PCDHGB5: variants seen among roughly 807,000 people sequenced by gnomAD.
The protein encoded by PCDHGB5 is protocadherin gamma-B5.
A neutral mutation model predicts 62.9 loss-of-function variants in PCDHGB5; 48 were observed. The observed-to-expected ratio is 0.76, with a 90% CI of 0.61 to 0.97. PCDHGB5 has a LOEUF of 0.97. PCDHGB5 is among the 50% of genes least tolerant of loss of function. PCDHGB5 has a pLI of 0.00. For missense variants in PCDHGB5, 1,118 were observed against 1,198.6 expected (o/e 0.93, Z 0.99); for synonymous variants, 474 against 511.2 (o/e 0.93, Z 0.98).
intron 1 of PCDHGB5, among the ~76,000 whole-genome samples, chr5:141,407,130 T>C (rs1218017139): frequency 1.3e-5 from 2 of 152,230 alleles, no homozygotes; most frequent in Non-Finnish European, 2.9e-5. Flanking sequence ...TTGCTTTATT[T>C]TTAAGAAAAA....
chr5:141,498,616 G>T (rs1202866176), intron 2 of PCDHGB5, among the ~76,000 whole-genome samples: 1 of 152,138 alleles, frequency 6.6e-6, no homozygotes, highest in East Asian at 1.9e-4. Flanking sequence ...AGTCAGCACT[G>T]GGTCACACTG....
chr5:141,413,002 G>A, intron 1 of PCDHGB5: 2 of 597,506 alleles, frequency 3.3e-6, no homozygotes, highest in East Asian at 3.0e-5. Context: ...GGATTCTCAG[G>A]GCTTCAACTA....
At position 141,432,993 on chromosome 5, in the gene PCDHGB5, G is replaced by C. The variant is rs749499789; in HGVS notation, c.2397+32469G>C. 7 of 1,614,208 alleles carry C rather than the reference G, an allele frequency of 4.3e-6. No homozygotes were observed. In the South Asian group the frequency reaches 7.7e-5, roughly 18 times the overall value. On this transcript the variant is annotated intron_variant, in intron 1 of 3. Transcript: ENST00000617380. This position sits in a 1 kb window ranked among gnomAD's most constrained non-coding sequence, Gnocchi z 6.0. ...GCGTCGCACTTTGTGGGCGTGGACG[G>C]GGTGCAGGCTTTCCTGCAGACCTAT...
In PCDHGB5 at chr5:141,490,706, T is replaced by C. The variant is rs777636562; in HGVS notation, c.2398-4101T>C. On this transcript the variant is annotated intron_variant, in intron 1 of 3. Coordinates refer to ENST00000617380, the MANE Select transcript of PCDHGB5 (RefSeq NM_018925.3). This position sits in a 1 kb window ranked among gnomAD's most constrained non-coding sequence, Gnocchi z 5.4. ...CCAGACACTGGGGATAATGCCCGCC[T>C]CACCTACTCCATTGTAGGAAATCAG... is the stretch of plus-strand genomic sequence containing the variant. The C allele has an allele frequency of 6.2e-7, 1 of 1,614,074 alleles. No homozygotes were observed. Among genetic ancestry groups the C allele is most frequent in the African/African-American group, 1.3e-5 (1 of 74,948 alleles).
intron 1 of PCDHGB5, among the ~76,000 whole-genome samples, chr5:141,445,180 GT>G (rs745433969): frequency 6.6e-6 from 1 of 152,148 alleles, no homozygotes; most frequent in Non-Finnish European, 1.5e-5. Flanking sequence ...GAAAAACTAT[GT>G]TTTTATGTAT....
chr5:141,432,793 C>T lies in PCDHGB5; in HGVS notation c.2397+32269C>T. 6.2e-7 allele frequency: 1 copy of T among 1,614,150 alleles called. No individual in the cohort carries two copies. Among genetic ancestry groups the T allele is most frequent in the Admixed American group, 1.7e-5 (1 of 60,032 alleles). ...AAGTCCTGGCGGACCTCGGCAGCCT[C>T]GAGTCTCCAGCTAACTCTGAAACCT... On this transcript the variant is annotated intron_variant, in intron 1 of 3. Transcript: ENST00000617380. The surrounding 1 kb of genome is among the most constrained non-coding windows in gnomAD (Gnocchi z 6.0).
Position 141,485,581 on chromosome 5 carries a change from G to C in PCDHGB5, c.2398-9226G>C. The C allele has an allele frequency of 6.2e-7, 1 of 1,612,458 alleles. No individual in the cohort carries two copies. The highest frequency in any genetic ancestry group is 8.5e-7 in the Non-Finnish European group (1 of 1,178,652). ...ATCACGCCCCCCGTTTTCCGCGGCA[G>C]CAGCTGGACTTGGAAATTGGGGAGG... On this transcript the variant is annotated intron_variant, in intron 1 of 3. Coordinates refer to ENST00000617380, the MANE Select transcript of PCDHGB5 (RefSeq NM_018925.3). This position sits in a 1 kb window ranked among gnomAD's most constrained non-coding sequence, Gnocchi z 5.7.
chr5:141,468,528 G>A (rs2154569956), intron 1 of PCDHGB5: 1 of 152,056 alleles, frequency 6.6e-6, no homozygotes, highest in South Asian at 2.1e-4. Context: ...TTTTTTGCAG[G>A]TAGTTTCCTG....
At chr5:141,433,837 C>CAAAA (rs56191208) in intron 1 of PCDHGB5, among the ~76,000 whole-genome samples, 6 of 111,700 alleles carry the variant, frequency 5.4e-5, no homozygotes, top group African/African-American at 1.9e-4. Flanking sequence ...AACTCTATCT[C>CAAAA]AAAAAAAAAA....
chr5:141,426,711 G>C, intron 1 of PCDHGB5: 1 of 444,496 alleles, frequency 2.2e-6, no homozygotes, highest in Non-Finnish European at 4.6e-6. Flanking sequence ...ACAAATCAAT[G>C]AACTAGCAAT....
At chr5:141,467,627 G>A (rs2099147481) in intron 1 of PCDHGB5, among the ~76,000 whole-genome samples, 1 of 152,140 alleles carries the variant, frequency 6.6e-6, no homozygotes, top group South Asian at 2.1e-4. Context: ...ATTTGAGATA[G>A]CATCTTTATC....
chr5:141,466,020 G>A (rs973577698), intron 1 of PCDHGB5, among the ~76,000 whole-genome samples: 2 of 151,974 alleles, frequency 1.3e-5, no homozygotes, highest in South Asian at 4.1e-4. Context: ...TACTCGGGAG[G>A]GTGAGGCAGG....
chr5:141,399,660 C>A lies in PCDHGB5; in HGVS notation c.1533C>A (p.Phe511Leu), dbSNP rs988885728. 11 of 1,613,536 alleles carry A rather than the reference C, an allele frequency of 6.8e-6. No individual in the cohort carries two copies. The highest frequency in any genetic ancestry group is 9.3e-6 in the Non-Finnish European group (11 of 1,179,888). ...TGAGCGCGCAAAGTGGGGTGGTGTT[C>A]GCGCAGCGCGCCTTTGACTACGAGC... is the stretch of plus-strand genomic sequence containing the variant. Reference protein sequence around the residue: ...VSMSAQSGVVFAQRAFDYEQL... With the variant: ...VSMSAQSGVVLAQRAFDYEQL... The change falls in exon 1 of 4, where the codon TTC (phenylalanine) becomes TTA (leucine). Residue 511 changes from phenylalanine (F) to leucine (L), a missense_variant. Phe to Leu is a conservative substitution (Grantham distance 22, BLOSUM62 0). Around this residue, in one of 2 missense-constraint regions of PCDHGB5, gnomAD observed 1,034 missense variants for 1,029.1 expected, o/e 1.00. Coordinates refer to ENST00000617380, the MANE Select transcript of PCDHGB5 (RefSeq NM_018925.3).
At chr5:141,409,755 G>C (rs2095312141) in intron 1 of PCDHGB5, 1 of 1,613,024 alleles carries the variant, frequency 6.2e-7, no homozygotes, top group Non-Finnish European at 8.5e-7. Flanking sequence ...TTCGCGCAGC[G>C]CGCCTTTGAT....
intron 1 of PCDHGB5, chr5:141,420,239 C>G (rs984335177): frequency 1.3e-6 from 2 of 1,593,300 alleles, no homozygotes; most frequent in African/African-American, 2.7e-5. Flanking sequence ...CATTTTAACT[C>G]CCAGCGTTGA....
chr5:141,432,622 G>A lies in PCDHGB5; in HGVS notation c.2397+32098G>A. 6.2e-7 allele frequency: 1 copy of A among 1,612,776 alleles called. No individual in the cohort carries two copies. The stretch of plus-strand genomic sequence containing the variant: ...AGCCGGGACTCTTCTCGGTGGGTCT[G>A]CACACGGGCGAGGTGCGCACGGCGC... On this transcript the variant is annotated intron_variant, in intron 1 of 3. Transcript: ENST00000617380. This position sits in a 1 kb window ranked among gnomAD's most constrained non-coding sequence, Gnocchi z 6.0.
chr5:141,438,659 T>C (rs1290256383), intron 1 of PCDHGB5, among the ~76,000 whole-genome samples: 1 of 141,194 alleles, frequency 7.1e-6, no homozygotes, highest in East Asian at 2.1e-4. Flanking sequence ...CACATATATG[T>C]ATATATATAT....
intron 1 of PCDHGB5, chr5:141,422,303 A>AAAAC: frequency 6.5e-7 from 1 of 1,548,740 alleles, no homozygotes; most frequent in Non-Finnish European, 8.7e-7. Flanking sequence ...TCAATTCTGG[A>AAAAC]AAACTCTCCT....
chr5:141,460,950 T>C (rs1458616371), intron 1 of PCDHGB5, among the ~76,000 whole-genome samples: 1 of 135,948 alleles, frequency 7.4e-6, no homozygotes, highest in East Asian at 2.0e-4. Flanking sequence ...ATATGTATTA[T>C]GTATATATAT....
Sources: gnomAD v4.1 joint callset for allele counts (sites outside exome capture counted in the v4.1 genomes callset) on GRCh38, gnomAD v4.1.1 for gene constraint, gnomAD v4.1.1 regional missense constraint, Gnocchi (gnomAD v3.1) non-coding constraint, MANE v1.5 for transcripts, NCBI Gene and HGNC (gene_info 2026-07-23, HGNC 2026-07-21) for gene names.